MYO3B: variants seen among roughly 807,000 people sequenced by gnomAD.
MYO3B encodes myosin IIIB, also known as myosin-IIIb.
A neutral mutation model predicts 174.6 loss-of-function variants in MYO3B; 156 were observed. That is an observed-to-expected ratio of 0.89 (90% CI 0.78 to 1.02). The LOEUF (loss-of-function observed/expected upper bound fraction) is 1.02. Among genes scored for constraint, MYO3B ranks in the 50% least tolerant of loss-of-function variants. The probability of loss-of-function intolerance (pLI) is 0.00; values close to 1 mark genes in which losing one functional copy is unlikely to be tolerated. For synonymous variants in MYO3B, 563 were observed against 569.1 expected (o/e 0.99, Z 0.15); for missense variants, 1,632 against 1,639.4 (o/e 1.00, Z 0.08).
chr2:170,463,553 T>A, intron 24 of MYO3B, 108 bp downstream of exon 24: 1 of 950,490 alleles, frequency 1.1e-6, no homozygotes, highest in Admixed American at 2.3e-5. Flanking sequence ...AAGCACAGAG[T>A]CAAGAAAGAT....
In MYO3B at chr2:170,451,842, G is replaced by A. The variant is rs887800702; in HGVS notation, c.2730+7796G>A. Among the ~76,000 whole-genome samples, 3 of 152,244 alleles carry A rather than the reference G, an allele frequency of 2.0e-5. No individual in the cohort carries two copies. The South Asian group carries it at 6.2e-4, about 32-fold the overall frequency. On this transcript the variant is annotated intron_variant, in intron 23 of 34. Transcript: ENST00000408978. ...CCTAATAAGCAGGCACAGCTGGAAG[G>A]CAAAAACAGATCCCCAAAATTAAGG...
intron 29 of MYO3B, 71 bp downstream of exon 29, chr2:170,515,093 A>G: frequency 7.8e-7 from 1 of 1,288,150 alleles, no homozygotes; most frequent in South Asian, 1.3e-5. Flanking sequence ...CCAAAGCTGG[A>G]AGTGATCACC....
At chr2:170,645,459 G>C (rs938634513) in intron 32 of MYO3B, among the ~76,000 whole-genome samples, 2 of 135,072 alleles carry the variant, frequency 1.5e-5, no homozygotes, top group African/African-American at 5.7e-5. Flanking sequence ...ACAGAGCAAG[G>C]CTCCGTCTCA....
intron 32 of MYO3B, among the ~76,000 whole-genome samples, chr2:170,610,839 G>C (rs933940009): frequency 2.0e-5 from 3 of 152,200 alleles, no homozygotes; most frequent in Admixed American, 1.3e-4. Flanking sequence ...ATTTTGATGT[G>C]AGATGCTTGT....
intron 32 of MYO3B, among the ~76,000 whole-genome samples, chr2:170,615,387 G>A (rs1695390953): frequency 1.3e-5 from 2 of 152,238 alleles, no homozygotes; most frequent in Non-Finnish European, 2.9e-5. Context: ...AGGACGGAGG[G>A]ATAGGGTGTG....
chr2:170,245,503 T>C (rs2093180210), intron 7 of MYO3B, among the ~76,000 whole-genome samples: 1 of 151,796 alleles, frequency 6.6e-6, no homozygotes, highest in South Asian at 2.1e-4. Flanking sequence ...CATAAGGGAG[T>C]CTTACCCTGG....
intron 8 of MYO3B, among the ~76,000 whole-genome samples, chr2:170,354,158 T>C (rs1261024778): frequency 1.3e-5 from 2 of 152,266 alleles, no homozygotes; most frequent in African/African-American, 4.8e-5. Context: ...CCCTGTTTAA[T>C]GCTAGGCATT....
chr2:170,453,696 A>C (rs1683744897), intron 23 of MYO3B, among the ~76,000 whole-genome samples: 1 of 152,190 alleles, frequency 6.6e-6, no homozygotes, highest in African/African-American at 2.4e-5. Context: ...AAAGCTTTCT[A>C]GTTTTGCAAG....
rs2092718084 is a variant in MYO3B at position 170,206,901 on chromosome 2, T to A, written c.321+6617T>A. Among the ~76,000 whole-genome samples the A allele has an allele frequency of 6.6e-6, 1 of 152,202 alleles. No individual in the cohort carries two copies. Among genetic ancestry groups the A allele is most frequent in the Non-Finnish European group, 1.5e-5 (1 of 68,038 alleles). On this transcript the variant is annotated intron_variant, in intron 3 of 34. Coordinates refer to ENST00000408978, the MANE Select transcript of MYO3B (RefSeq NM_138995.5). This position sits in a 1 kb window ranked among gnomAD's most constrained non-coding sequence, Gnocchi z 4.3. Reference sequence around the variant, plus strand: ...GTTCCTGGTCTCTGACACTCCCTCCTATCATGAGGTCCTCATGTCCTTTGT... The same window carrying A: ...GTTCCTGGTCTCTGACACTCCCTCCAATCATGAGGTCCTCATGTCCTTTGT...
At chr2:170,403,708 G>A (rs936898471) in intron 19 of MYO3B, among the ~76,000 whole-genome samples, 5 of 152,160 alleles carry the variant, frequency 3.3e-5, no homozygotes, top group African/African-American at 7.2e-5. Context: ...ACTCAACTTC[G>A]ATGAGATAGA....
At chr2:170,390,526 T>C (rs986850458) in intron 14 of MYO3B, among the ~76,000 whole-genome samples, 4 of 152,114 alleles carry the variant, frequency 2.6e-5, no homozygotes, top group Non-Finnish European at 5.9e-5. Context: ...CAGAAGGGCT[T>C]TGACAGGATA....
intron 1 of MYO3B, among the ~76,000 whole-genome samples, chr2:170,182,904 C>T (rs1165380845): frequency 1.3e-5 from 2 of 151,940 alleles, no homozygotes; most frequent in East Asian, 3.9e-4. Flanking sequence ...CCACTGTGAC[C>T]AGCCCTCATG....
chr2:170,444,852 G>A (rs907427622), intron 23 of MYO3B, among the ~76,000 whole-genome samples: 2 of 151,952 alleles, frequency 1.3e-5, no homozygotes, highest in African/African-American at 2.4e-5. Flanking sequence ...GCTACTTCAC[G>A]GCAAAACATT....
chr2:170,530,274 A>G (rs1689274332), intron 30 of MYO3B, among the ~76,000 whole-genome samples: 1 of 152,168 alleles, frequency 6.6e-6, no homozygotes, highest in Non-Finnish European at 1.5e-5. Context: ...TAGATAATAA[A>G]CAGTCCCTGA....
At chr2:170,191,236 C>T (rs1269486175) in intron 1 of MYO3B, among the ~76,000 whole-genome samples, 2 of 151,816 alleles carry the variant, frequency 1.3e-5, no homozygotes, top group Non-Finnish European at 2.9e-5. Flanking sequence ...TCTTCCCTCT[C>T]CTCTCCTCAA....
intron 9 of MYO3B, among the ~76,000 whole-genome samples, chr2:170,376,029 CTGTTTAATATGA>C (rs753430608): frequency 6.6e-5 from 10 of 152,122 alleles, no homozygotes; most frequent in Non-Finnish European, 1.3e-4. Flanking sequence ...ATATCAAATA[CTGTTTAATATGA>C]TTAATGATAA....
intron 7 of MYO3B, among the ~76,000 whole-genome samples, chr2:170,275,541 C>T (rs1016217224): frequency 6.6e-6 from 1 of 152,048 alleles, no homozygotes; most frequent in Non-Finnish European, 1.5e-5. Context: ...AATCTAGGGC[C>T]TCTTGAACTT....
At chr2:170,255,871 A>G (rs1025707604) in intron 7 of MYO3B, among the ~76,000 whole-genome samples, 2 of 152,262 alleles carry the variant, frequency 1.3e-5, no homozygotes, top group Non-Finnish European at 2.9e-5. Context: ...GATTCGAGAG[A>G]AAGTTGAAAT....
chr2:170,277,328 A>T (rs935159799), intron 7 of MYO3B, among the ~76,000 whole-genome samples: 3 of 152,234 alleles, frequency 2.0e-5, no homozygotes, highest in African/African-American at 7.2e-5. Flanking sequence ...CTAAAACGTC[A>T]TGGTGTTTTT....
Sources: allele counts gnomAD v4.1 joint callset (sites outside exome capture counted in the v4.1 genomes callset), GRCh38; gene constraint gnomAD v4.1.1; non-coding constraint Gnocchi (gnomAD v3.1); transcripts MANE v1.5; gene names NCBI Gene and HGNC (gene_info 2026-07-23, HGNC 2026-07-21).